LRP4: variants seen among roughly 807,000 people sequenced by gnomAD.
The protein encoded by LRP4 is low-density lipoprotein receptor-related protein 4.
In LRP4, 95 loss-of-function variants were observed where a neutral mutation model predicts 220.3. The observed-to-expected ratio is 0.43, with a 90% CI of 0.37 to 0.51. The LOEUF is 0.51. Ranked by LOEUF, LRP4 falls within the 20% of genes least tolerant of loss-of-function variation. LRP4 has a pLI of 0.00. For synonymous variants in LRP4, 903 were observed against 954.6 expected (o/e 0.95, Z 1.00); for missense variants, 1,925 against 2,567.0 (o/e 0.75, Z 5.40).
At chr11:46,859,438 C>T (rs1030998831) in intron 37 of LRP4, 123 bp from the exon 38 acceptor site, 18 of 755,074 alleles carry the variant, frequency 2.4e-5, no homozygotes, top group Admixed American at 7.8e-5. Flanking sequence ...ATCCCACAAA[C>T]AAATGGGGAA....
At position 46,876,450 on chromosome 11, in the gene LRP4, T is replaced by C. The variant is rs540337525; in HGVS notation, c.3536+16A>G. 6.2e-7 allele frequency: 1 copy of C among 1,614,142 alleles called. No homozygotes were observed. Among genetic ancestry groups the C allele is most frequent in the Admixed American group, 1.7e-5 (1 of 60,022 alleles). On this transcript the variant is annotated intron_variant, in intron 25 of 37. Transcript: ENST00000378623. ...TGGCCCCCCACACTACCCAGTGCGATACAGCCAGCTCTCACCCCATCTCAT... is the reference window on the plus strand; with the variant it reads ...TGGCCCCCCACACTACCCAGTGCGACACAGCCAGCTCTCACCCCATCTCAT...
In LRP4 at chr11:46,890,620, ATT is replaced by A; in HGVS notation, c.1698-128_1698-127del. 4 of 639,110 alleles carry A rather than the reference ATT, an allele frequency of 6.3e-6. No homozygotes were observed. The highest frequency in any genetic ancestry group is 1.1e-5 in the Non-Finnish European group (4 of 366,148). 39.6% of individuals were successfully genotyped at this position (639,110 alleles called of 1,614,324 possible). On this transcript the variant is annotated intron_variant, in intron 13 of 37. Transcript: ENST00000378623. The surrounding 1 kb of genome is among the most constrained non-coding windows in gnomAD (Gnocchi z 5.3). Reference sequence around the variant, plus strand: ...CTCCAATGTTTGGTCCACAGAATGAATTTTTTTTTTAGACGGGGTCTCATTTT... The same window carrying A: ...CTCCAATGTTTGGTCCACAGAATGAATTTTTTTTAGACGGGGTCTCATTTT...
chr11:46,901,076 G>A lies in LRP4; in HGVS notation c.200-698C>T, dbSNP rs186995101. On this transcript the variant is annotated intron_variant, in intron 2 of 37. Coordinates refer to ENST00000378623, the MANE Select transcript of LRP4 (RefSeq NM_002334.4). ...CTCCCAAACTGTTGGGATTACAGGC[G>A]TGAGCCACCACACCCAGCCCCCTTG... 9.9e-4 allele frequency among the ~76,000 whole-genome samples: 150 copies of A among 152,230 alleles called. 2 individuals carry two copies. The South Asian group carries it at 0.017, about 17-fold the overall frequency.
At chr11:46,897,354 A>C (rs4359163) in intron 7 of LRP4, among the ~76,000 whole-genome samples, 8,101 of 87,608 alleles carry the variant, frequency 0.092, 663 homozygotes, top group African/African-American at 0.24. Context: ...TTTTCTTTTT[A>C]TTTTTTTATT....
Position 46,876,539 on chromosome 11 carries a change from C to T in LRP4, c.3463G>A (p.Gly1155Arg), listed in dbSNP as rs1941023566. ...CACACCAACACTTTCCGCATGGACC[C>T]GTCCAGGTTGCCCACTTCAATCCGG... ...TNRIEVGNLD[G>R]SMRKVLVWQN... Residue 1155 changes from glycine (G) to arginine (R), a missense_variant, in exon 25 of 38, where the codon GGG becomes AGG. Coordinates refer to ENST00000378623, the MANE Select transcript of LRP4 (RefSeq NM_002334.4). 6.2e-7 allele frequency: 1 copy of T among 1,614,220 alleles called. No homozygotes were observed. The highest frequency in any genetic ancestry group is 2.2e-5 in the East Asian group (1 of 44,894).
rs1325005923 is a variant in LRP4 at position 46,859,242 on chromosome 11, T to C, written c.5459A>G (p.Asp1820Gly). Residue 1820 changes from aspartate (D) to glycine (G), a missense_variant, in exon 38 of 38, where the codon GAT becomes GGT. Asp to Gly is a moderately conservative substitution (Grantham distance 94). Coordinates refer to ENST00000378623, the MANE Select transcript of LRP4 (RefSeq NM_002334.4). ...VEGICLLSGD[D>G]AEWDDLKQLR... The stretch of plus-strand genomic sequence containing the variant: ...TTGCTTGAGGTCATCCCACTCAGCA[T>C]CATCCCCAGACAGGAGGCAGATTCC... The C allele has an allele frequency of 1.2e-6, 2 of 1,614,136 alleles. No individual in the cohort carries two copies. The highest frequency in any genetic ancestry group is 1.7e-6 in the Non-Finnish European group (2 of 1,180,024).
In LRP4 at chr11:46,865,165, C is replaced by G; in HGVS notation, c.5109G>C (p.Arg1703Ser). The G allele has an allele frequency of 6.4e-7, 1 of 1,558,152 alleles. No individual in the cohort carries two copies. ...VEGRCSERDA[R>S]LGLCARSNDA... is the part of the protein sequence containing the mutation. Reference sequence around the variant, plus strand: ...CATTGGAACGTGCACAGAGGCCCAGCCTGGCATCCCTTTCAGAGCATCTGT... The same window carrying G: ...CATTGGAACGTGCACAGAGGCCCAGGCTGGCATCCCTTTCAGAGCATCTGT... Residue 1703 changes from arginine to serine, a missense_variant, in exon 35 of 38, where the codon AGG becomes AGC. Physicochemically the swap from Arg to Ser is moderately radical, Grantham distance 110. Around this residue, in one of 3 missense-constraint regions of LRP4, gnomAD observed 1,244 missense variants for 1,624.9 expected, o/e 0.77. Transcript: ENST00000378623.
At chr11:46,888,041 A>AAAAAAG (rs1941336852) in intron 16 of LRP4, among the ~76,000 whole-genome samples, 2 of 131,100 alleles carry the variant, frequency 1.5e-5, no homozygotes, top group Non-Finnish European at 3.3e-5. Flanking sequence ...AAAAAAAAAA[A>AAAAAAG]GGCCGGGGGC....
At chr11:46,911,836 A>ATCT (rs1592555273) in intron 1 of LRP4, among the ~76,000 whole-genome samples, 1 of 126,084 alleles carries the variant, frequency 7.9e-6, no homozygotes, top group Non-Finnish European at 1.7e-5. Flanking sequence ...TAAGATGGGA[A>ATCT]TCTTCTTTTT....
rs1941729263 is a variant in LRP4, at chr11:46,904,620, A to G, written c.53-1691T>C. 1.3e-5 allele frequency among the ~76,000 whole-genome samples: 2 copies of G among 152,070 alleles called. 1 individual carries two copies. Among genetic ancestry groups the G allele is most frequent in the South Asian group, 4.1e-4 (2 of 4,830 alleles). On this transcript the variant is annotated intron_variant, in intron 1 of 37. Transcript: ENST00000378623. Reference sequence around the variant, plus strand: ...GATCACAGCTTTCACCAGATTCTCAACTGAGGCCTGGCCCTCTCCCTCCAC... The same window carrying G: ...GATCACAGCTTTCACCAGATTCTCAGCTGAGGCCTGGCCCTCTCCCTCCAC...
intron 1 of LRP4, among the ~76,000 whole-genome samples, chr11:46,905,663 C>T (rs1019501270): frequency 6.6e-6 from 1 of 151,970 alleles, no homozygotes; most frequent in African/African-American, 2.4e-5. Context: ...CCAGCATGGC[C>T]AATGTGGTGA....
chr11:46,906,565 A>T (rs999880952), intron 1 of LRP4, among the ~76,000 whole-genome samples: 4 of 152,166 alleles, frequency 2.6e-5, no homozygotes, highest in African/African-American at 9.7e-5. Flanking sequence ...GGGTGTGCAG[A>T]TGCAGGGCTG....
chr11:46,918,266 C>T lies in LRP4; in HGVS notation c.52+62G>A. 4 of 1,481,894 alleles carry T rather than the reference C, an allele frequency of 2.7e-6. No individual in the cohort carries two copies. The South Asian group carries it at 3.7e-5, about 14-fold the overall frequency. The allele number at this position is 1,481,894 out of a possible 1,614,324, so 91.8% of individuals were successfully genotyped here. A position where few individuals can be genotyped will look rare whatever the true frequency, so the allele number is the denominator to read the frequency against. ...GCCCCGGCCCGCGCCGTCCAGGTCC[C>T]GGGAGGCGAGTCCTGCAGCGGCCGG... On this transcript the variant is annotated intron_variant, in intron 1 of 37. Coordinates refer to ENST00000378623, the MANE Select transcript of LRP4 (RefSeq NM_002334.4). The surrounding 1 kb of genome is among the most constrained non-coding windows in gnomAD (Gnocchi z 6.0).
Position 46,889,440 on chromosome 11 carries a change from C to T in LRP4, c.2186G>A (p.Arg729His). The T allele has an allele frequency of 2.5e-6, 4 of 1,614,042 alleles. No homozygotes were observed. The highest frequency in any genetic ancestry group is 1.6e-4 in the Middle Eastern group (1 of 6,062). Reference protein sequence around the residue: ...NYTCACPTGFRKISSHACAQS... With the variant: ...NYTCACPTGFHKISSHACAQS... ...GGCACAGGCGTGGCTGCTGATCTTG[C>T]GGAAGCCAGTGGGGCAGGCACAGGT... The change falls in exon 16 of 38, where the codon CGC (arginine) becomes CAC (histidine). Residue 729 changes from arginine to histidine, a missense_variant. This residue lies in a region of LRP4 where 1,244 missense variants were observed against 1,624.9 expected (regional missense o/e 0.77). Coordinates refer to ENST00000378623, the MANE Select transcript of LRP4 (RefSeq NM_002334.4).
rs528728374 is a variant in LRP4 at position 46,857,367 on chromosome 11, C to T, written c.*1616G>A. 3 of 152,288 alleles carry T rather than the reference C, an allele frequency of 2.0e-5. No individual in the cohort carries two copies. Among genetic ancestry groups the T allele is most frequent in the Admixed American group, 6.5e-5 (1 of 15,296 alleles). The allele number at this position is 152,288 out of a possible 1,614,324, so 9.4% of individuals were successfully genotyped here. A position where few individuals can be genotyped will look rare whatever the true frequency, so the allele number is the denominator to read the frequency against. On this transcript the variant is annotated 3_prime_UTR_variant, in exon 38 of 38. Transcript: ENST00000378623. ...ACTTTGGTAGCTGATTTCTCAATAC[C>T]AGTAACCACAGGAGAAGTTTCAACT...
intron 16 of LRP4, 84 bp from the exon 17 acceptor site, chr11:46,886,617 C>G: frequency 8.7e-7 from 1 of 1,150,038 alleles, no homozygotes; most frequent in Non-Finnish European, 1.3e-6. Context: ...TGCGTGACAT[C>G]TGGTTCAATC....
intron 1 of LRP4, among the ~76,000 whole-genome samples, chr11:46,909,988 T>C (rs941332930): frequency 2.0e-5 from 3 of 152,204 alleles, no homozygotes; most frequent in African/African-American, 7.2e-5. Flanking sequence ...TTTCTACTTA[T>C]TTCTGTCCCA....
At chr11:46,914,043 C>T (rs74528954) in intron 1 of LRP4, among the ~76,000 whole-genome samples, 11 of 152,054 alleles carry the variant, frequency 7.2e-5, no homozygotes, top group Admixed American at 6.6e-4. Context: ...AGAATCATCT[C>T]GGATCCACTT....
rs1941094931 is a variant in LRP4, at chr11:46,879,280, C to T, written c.2850G>A (p.Gly950=). 6 of 1,614,200 alleles carry T rather than the reference C, an allele frequency of 3.7e-6. No individual in the cohort carries two copies. The highest frequency in any genetic ancestry group is 5.1e-6 in the Non-Finnish European group (6 of 1,180,056). Residue 950 remains glycine, a synonymous_variant, in exon 21 of 38, where the codon GGG becomes GGA. Transcript: ENST00000378623. ...LIGSQLPHPF[G]LTLYGERIYW... is the part of the protein sequence containing the mutation. ...AGATGCGCTCTCCATAGAGGGTCAG[C>T]CCAAATGGGTGGGGGAGCTGGCTTC...
Sources: allele counts gnomAD v4.1 joint callset (sites outside exome capture counted in the v4.1 genomes callset), GRCh38; gene constraint gnomAD v4.1.1; regional missense constraint gnomAD v4.1.1; non-coding constraint Gnocchi (gnomAD v3.1); transcripts MANE v1.5; gene names NCBI Gene and HGNC (gene_info 2026-07-23, HGNC 2026-07-21).